The following ANKFN1 variants were observed in gnomAD, a reference collection of about 807,000 sequenced individuals.
The protein encoded by ANKFN1 is ankyrin repeat and fibronectin type-III domain-containing protein 1.
Under a neutral mutation model 108.7 loss-of-function variants are expected in ANKFN1, and 74 were observed. That is an observed-to-expected ratio of 0.68 (90% CI 0.56 to 0.83). ANKFN1 has a LOEUF of 0.83. ANKFN1 is among the 40% of genes least tolerant of loss of function. ANKFN1 has a pLI of 0.00. For synonymous variants in ANKFN1, 547 were observed against 516.2 expected (o/e 1.06, Z -0.81); for missense variants, 1,505 against 1,382.3 (o/e 1.09, Z -1.41).
chr17:56,347,600 A>T (rs1598437503), intron 4 of ANKFN1, among the ~76,000 whole-genome samples: 1 of 152,208 alleles, frequency 6.6e-6, no homozygotes, highest in East Asian at 1.9e-4. Flanking sequence ...AGGGTCATGC[A>T]TATTTGTAAT....
rs1911600915 is a variant in ANKFN1, at chr17:56,180,612, T to C, written c.-71+27082T>C. On this transcript the variant is annotated intron_variant, in intron 1 of 20. Transcript: ENST00000682825. ...TTTCATTGGTAAAACAATTATACTG[T>C]TTTCAATCCTTATTAACTCTCCTAC... is the stretch of plus-strand genomic sequence containing the variant. Among the ~76,000 whole-genome samples, 5 of 152,328 alleles carry C rather than the reference T, an allele frequency of 3.3e-5. No homozygotes were observed. In the South Asian group the frequency reaches 8.3e-4, roughly 25 times the overall value.
intron 3 of ANKFN1, among the ~76,000 whole-genome samples, chr17:56,311,130 T>TTC (rs139801596): frequency 5.3e-5 from 8 of 151,210 alleles, no homozygotes; most frequent in South Asian, 4.2e-4. Flanking sequence ...TACATAATAT[T>TTC]TCTCTCTCTC....
intron 4 of ANKFN1, among the ~76,000 whole-genome samples, chr17:56,100,912 T>C (rs1221341167): frequency 6.6e-6 from 1 of 152,210 alleles, no homozygotes; most frequent in Non-Finnish European, 1.5e-5. Flanking sequence ...TGTACCATTG[T>C]TATTATGGGC....
chr17:56,448,142 A>G (rs532930933), intron 10 of ANKFN1, among the ~76,000 whole-genome samples: 1 of 152,362 alleles, frequency 6.6e-6, no homozygotes, highest in South Asian at 2.1e-4. Flanking sequence ...GGGAAGAATG[A>G]CTAGCAATTT....
intron 8 of ANKFN1, among the ~76,000 whole-genome samples, chr17:56,380,684 T>C (rs2047072507): frequency 6.6e-6 from 1 of 152,198 alleles, no homozygotes. Context: ...CGCTGATTGC[T>C]AGCACAGCAG....
At chr17:56,283,802 GT>G (rs1307197105) in intron 3 of ANKFN1, among the ~76,000 whole-genome samples, 1 of 151,970 alleles carries the variant, frequency 6.6e-6, no homozygotes, top group Admixed American at 6.6e-5. Flanking sequence ...CACTGCTCAG[GT>G]GATGGGTGCA....
chr17:56,508,749 A>G (rs1448753747), intron 20 of ANKFN1, among the ~76,000 whole-genome samples: 1 of 152,216 alleles, frequency 6.6e-6, no homozygotes, highest in African/African-American at 2.4e-5. Context: ...AACTTCTCTT[A>G]TAAAACCTAT....
At chr17:56,120,428 T>C (rs950788635) in intron 4 of ANKFN1, among the ~76,000 whole-genome samples, 4 of 152,192 alleles carry the variant, frequency 2.6e-5, no homozygotes, top group Non-Finnish European at 2.9e-5. Flanking sequence ...TTGGCAATCT[T>C]GGGATATGCT....
At chr17:56,050,449 G>A (rs938518889) in intron 4 of ANKFN1, among the ~76,000 whole-genome samples, 5 of 126,418 alleles carry the variant, frequency 4.0e-5, no homozygotes, top group African/African-American at 9.2e-5. Flanking sequence ...TTGGTGTTTT[G>A]GACATGAAGT....
intron 4 of ANKFN1, among the ~76,000 whole-genome samples, chr17:56,110,186 C>T (rs889935201): frequency 2.6e-5 from 4 of 152,206 alleles, no homozygotes; most frequent in Non-Finnish European, 5.9e-5. Flanking sequence ...TAACCTTCTT[C>T]TTACTCTTGT....
intron 4 of ANKFN1, among the ~76,000 whole-genome samples, chr17:56,102,378 G>T (rs919972050): frequency 5.9e-5 from 9 of 152,110 alleles, no homozygotes; most frequent in Non-Finnish European, 7.4e-5. Flanking sequence ...AAGATTCAAG[G>T]TGACATTTGT....
chr17:56,316,975 GATAA>G (rs1352846714), intron 3 of ANKFN1, among the ~76,000 whole-genome samples: 1 of 152,160 alleles, frequency 6.6e-6, no homozygotes, highest in East Asian at 1.9e-4. Context: ...AAACATTCCT[GATAA>G]ATAACACACG....
At chr17:56,415,332 A>G (rs2048212640) in intron 8 of ANKFN1, among the ~76,000 whole-genome samples, 1 of 152,188 alleles carries the variant, frequency 6.6e-6, no homozygotes, top group Non-Finnish European at 1.5e-5. Flanking sequence ...CTCAGAAAAA[A>G]CAAAACAACT....
At chr17:56,384,793 C>T (rs1186560381) in intron 8 of ANKFN1, among the ~76,000 whole-genome samples, 2 of 152,064 alleles carry the variant, frequency 1.3e-5, no homozygotes, top group Admixed American at 1.3e-4. Context: ...AGGAGAACTA[C>T]AAACCACTGC....
At chr17:56,458,724 A>G (rs2049799810) in intron 14 of ANKFN1, among the ~76,000 whole-genome samples, 1 of 152,192 alleles carries the variant, frequency 6.6e-6, no homozygotes, top group Non-Finnish European at 1.5e-5. Context: ...GATTGGAGCC[A>G]TTAAGAGATC....
At chr17:56,215,402 TACCA>T (rs1915347712) in intron 2 of ANKFN1, among the ~76,000 whole-genome samples, 8 of 152,212 alleles carry the variant, frequency 5.3e-5, no homozygotes, top group Admixed American at 5.2e-4. Flanking sequence ...GAAAGCCCAT[TACCA>T]ATAAGGTGAG....
At chr17:56,209,455 G>T (rs1343072616) in intron 1 of ANKFN1, among the ~76,000 whole-genome samples, 1 of 152,140 alleles carries the variant, frequency 6.6e-6, no homozygotes, top group Non-Finnish European at 1.5e-5. Context: ...AGGAAGAATG[G>T]AATTACCCTA....
At position 56,351,106 on chromosome 17, in the gene ANKFN1, G is replaced by T. The variant is rs1046495904; in HGVS notation, c.390+139G>T. ...TAAATGCTGGAATAGATTCAGGTAG[G>T]GTAGTAACTGTACATATTTATGTTG... On this transcript the variant is annotated intron_variant, in intron 5 of 20. Coordinates refer to ENST00000682825, the MANE Select transcript of ANKFN1 (RefSeq NM_001370326.1). 40 of 770,944 alleles carry T rather than the reference G, an allele frequency of 5.2e-5. No individual in the cohort carries two copies. In the Admixed American group the frequency reaches 1.1e-3, roughly 21 times the overall value. The allele number at this position is 770,944 out of a possible 1,614,324, so 47.8% of individuals were successfully genotyped here.
chr17:56,504,070 G>A (rs1057236009), intron 20 of ANKFN1, among the ~76,000 whole-genome samples: 3 of 152,210 alleles, frequency 2.0e-5, no homozygotes, highest in Non-Finnish European at 4.4e-5. Context: ...GCCCTGGCTG[G>A]CATCCTGGAG....
Sources: allele counts gnomAD v4.1 joint callset (sites outside exome capture counted in the v4.1 genomes callset), GRCh38; gene constraint gnomAD v4.1.1; transcripts MANE v1.5; gene names NCBI Gene and HGNC (gene_info 2026-07-23, HGNC 2026-07-21).